The following MCPH1 variants were observed in gnomAD, a reference collection of about 807,000 sequenced individuals.
MCPH1 encodes the protein microcephalin.
MCPH1 carries 104 observed loss-of-function variants against 84.5 expected under a neutral mutation model. The ratio of observed to expected loss-of-function variants is 1.23; its 90% CI spans 1.05 to 1.45. The LOEUF is 1.45. Ranked by LOEUF, MCPH1 falls within the 40% of genes most tolerant of loss-of-function variation. The probability of loss-of-function intolerance (pLI) is 0.00; values close to 1 mark genes in which losing one functional copy is unlikely to be tolerated. For missense variants in MCPH1, 1,498 were observed against 1,005.7 expected (o/e 1.49, Z -6.62); for synonymous variants, 514 against 366.8 (o/e 1.40, Z -4.58).
intron 12 of MCPH1, among the ~76,000 whole-genome samples, chr8:6,581,432 CAT>C (rs1213468436): frequency 6.6e-6 from 1 of 152,206 alleles, no homozygotes. Context: ...GCTGTTGAAT[CAT>C]GTGGTGAATA....
intron 12 of MCPH1, 118 bp from the exon 13 acceptor site, chr8:6,621,336 C>T: frequency 7.9e-7 from 1 of 1,263,796 alleles, no homozygotes; most frequent in South Asian, 1.2e-5. Flanking sequence ...AGGAGCATGG[C>T]AGCCTTACAT....
intron 11 of MCPH1, chr8:6,494,098 A>G (rs946682694): frequency 2.0e-5 from 3 of 152,012 alleles, no homozygotes. Flanking sequence ...ATGCCACCAC[A>G]CCTGGCTAAT....
At chr8:6,464,999 G>GAAA (rs555185949) in intron 9 of MCPH1, among the ~76,000 whole-genome samples, 1 of 138,286 alleles carries the variant, frequency 7.2e-6, no homozygotes, top group Admixed American at 7.3e-5. Flanking sequence ...TTCCATCTCA[G>GAAA]AAAAAAAAAA....
chr8:6,594,136 G>GCAC (rs1828734876), intron 12 of MCPH1, among the ~76,000 whole-genome samples: 1 of 152,228 alleles, frequency 6.6e-6, no homozygotes, highest in South Asian at 2.1e-4. Context: ...GTTGAGCAGG[G>GCAC]GTGTGGCTGC....
chr8:6,622,016 T>A (rs1360061927), intron 13 of MCPH1: 1 of 408,704 alleles, frequency 2.4e-6, no homozygotes, highest in African/African-American at 2.1e-5. Context: ...GCACCCCTCT[T>A]AGACCCTCCC....
At chr8:6,510,149 T>G (rs1407825451) in intron 12 of MCPH1, among the ~76,000 whole-genome samples, 1 of 128,392 alleles carries the variant, frequency 7.8e-6, no homozygotes, top group African/African-American at 3.3e-5. Context: ...ATTTTTGAGG[T>G]TGTTTTTTCT....
At chr8:6,621,151 G>A in intron 12 of MCPH1, 1 of 427,562 alleles carries the variant, frequency 2.3e-6, no homozygotes, top group East Asian at 5.3e-5. Context: ...TGGCTCTGCT[G>A]TGCTAACAGT....
chr8:6,614,355 A>G (rs917074154), intron 12 of MCPH1, among the ~76,000 whole-genome samples: 2 of 152,146 alleles, frequency 1.3e-5, no homozygotes, highest in African/African-American at 4.8e-5. Flanking sequence ...CCTCCTTTAT[A>G]GCTTTCCGCT....
At chr8:6,484,937 G>C (rs1228112137) in intron 11 of MCPH1, among the ~76,000 whole-genome samples, 1 of 152,220 alleles carries the variant, frequency 6.6e-6, no homozygotes, top group African/African-American at 2.4e-5. Flanking sequence ...TGTGTTGTTA[G>C]TGGCAATGGT....
chr8:6,511,378 C>T (rs1424101619), intron 12 of MCPH1, among the ~76,000 whole-genome samples: 1 of 151,832 alleles, frequency 6.6e-6, no homozygotes, highest in Non-Finnish European at 1.5e-5. Flanking sequence ...ACAATTAAAC[C>T]TCAGTGTTAT....
intron 12 of MCPH1, among the ~76,000 whole-genome samples, chr8:6,543,680 G>A (rs1379081086): frequency 6.6e-6 from 1 of 152,060 alleles, no homozygotes; most frequent in South Asian, 2.1e-4. Flanking sequence ...GCTGAAGTTC[G>A]TGCTTTTCTG....
intron 12 of MCPH1, among the ~76,000 whole-genome samples, chr8:6,599,807 A>T (rs1829226108): frequency 6.6e-6 from 1 of 152,250 alleles, no homozygotes; most frequent in South Asian, 2.1e-4. Flanking sequence ...ATCAGCTATC[A>T]AGATTAAATA....
At chr8:6,417,542 A>T (rs765724438) in intron 3 of MCPH1, among the ~76,000 whole-genome samples, 6 of 151,704 alleles carry the variant, frequency 4.0e-5, no homozygotes, top group Admixed American at 1.3e-4. Flanking sequence ...CCTCAGATTG[A>T]TCTTTTTTCA....
chr8:6,565,890 G>A (rs957976968), intron 12 of MCPH1, among the ~76,000 whole-genome samples: 2 of 152,152 alleles, frequency 1.3e-5, no homozygotes, highest in Admixed American at 6.5e-5. Flanking sequence ...CTCAAGTTCC[G>A]AACATGGAAG....
intron 8 of MCPH1, among the ~76,000 whole-genome samples, chr8:6,453,419 TTTC>T (rs1186784754): frequency 1.2e-4 from 19 of 152,018 alleles, no homozygotes; most frequent in African/African-American, 4.1e-4. Context: ...AATATCAGTC[TTTC>T]TTAAGTTTTA....
intron 12 of MCPH1, among the ~76,000 whole-genome samples, chr8:6,567,051 G>A (rs1240775095): frequency 8.7e-5 from 13 of 149,522 alleles, no homozygotes; most frequent in Non-Finnish European, 1.6e-4. Context: ...TGATCGGCAA[G>A]GCCATGGATA....
intron 12 of MCPH1, among the ~76,000 whole-genome samples, chr8:6,556,844 C>T (rs570459113): frequency 1.3e-5 from 2 of 152,238 alleles, no homozygotes; most frequent in African/African-American, 4.8e-5. Context: ...CCATCTTGGC[C>T]TCTCAAAGCT....
chr8:6,642,928 C>A (rs959491906), intron 13 of MCPH1, 66 bp from the exon 14 acceptor site: 45 of 1,439,130 alleles, frequency 3.1e-5, no homozygotes, highest in Non-Finnish European at 3.6e-5. Flanking sequence ...TATATACAAA[C>A]AGGTTATCAC....
chr8:6,570,054 G>A (rs1826531536), intron 12 of MCPH1, among the ~76,000 whole-genome samples: 2 of 152,192 alleles, frequency 1.3e-5, no homozygotes, highest in Non-Finnish European at 2.9e-5. Flanking sequence ...CCAACATATT[G>A]TCTAAATGGA....
Sources: gnomAD v4.1 joint callset for allele counts (sites outside exome capture counted in the v4.1 genomes callset) on GRCh38, gnomAD v4.1.1 for gene constraint, MANE v1.5 for transcripts, NCBI Gene and HGNC (gene_info 2026-07-23, HGNC 2026-07-21) for gene names.